Variants in PHLPP1 observed in about 807,000 individuals in gnomAD.
The protein encoded by PHLPP1 is PH domain and leucine rich repeat protein phosphatase 1.
A neutral mutation model predicts 117.2 loss-of-function variants in PHLPP1; 42 were observed. That is an observed-to-expected ratio of 0.36 (90% CI 0.28 to 0.46). The LOEUF (loss-of-function observed/expected upper bound fraction) is 0.46. PHLPP1 is among the 20% of genes least tolerant of loss of function. PHLPP1 has a pLI of 1.00. For synonymous variants in PHLPP1, 1,042 were observed against 970.7 expected (o/e 1.07, Z -1.37); for missense variants, 2,084 against 2,241.9 (o/e 0.93, Z 1.42).
intron 1 of PHLPP1, among the ~76,000 whole-genome samples, chr18:62,819,771 G>A (rs371251749): frequency 6.6e-6 from 1 of 152,028 alleles, no homozygotes; most frequent in Non-Finnish European, 1.5e-5. Flanking sequence ...TCAGCCTCCC[G>A]AGTAGCTGGG....
chr18:62,926,251 C>T (rs1287158150), intron 10 of PHLPP1, among the ~76,000 whole-genome samples: 2 of 152,094 alleles, frequency 1.3e-5, no homozygotes, highest in African/African-American at 2.4e-5. Context: ...TCCTGGAGAA[C>T]GGAGTTGAGT....
intron 2 of PHLPP1, among the ~76,000 whole-genome samples, chr18:62,833,083 A>AT (rs1439622591): frequency 6.6e-6 from 1 of 152,086 alleles, no homozygotes; most frequent in Non-Finnish European, 1.5e-5. Flanking sequence ...TATTATTATT[A>AT]TTTTTTTAAA....
chr18:62,757,427 T>C (rs1330463610), intron 1 of PHLPP1, among the ~76,000 whole-genome samples: 1 of 152,208 alleles, frequency 6.6e-6, no homozygotes, highest in East Asian at 1.9e-4. Flanking sequence ...TTCTTTGAGG[T>C]TTTGAAAAAG....
chr18:62,810,315 T>G (rs1027953005), intron 1 of PHLPP1, among the ~76,000 whole-genome samples: 6 of 152,222 alleles, frequency 3.9e-5, no homozygotes, highest in African/African-American at 1.4e-4. Context: ...TTTGGAGCTT[T>G]GCTGGTAAGA....
intron 4 of PHLPP1, among the ~76,000 whole-genome samples, chr18:62,894,624 A>AAACAGC (rs1431502786): frequency 6.6e-6 from 1 of 152,238 alleles, no homozygotes; most frequent in African/African-American, 2.4e-5. Context: ...GACTTGTCTG[A>AAACAGC]AACAGCACCG....
chr18:62,733,141 A>C (rs889007688), intron 1 of PHLPP1, among the ~76,000 whole-genome samples: 1 of 152,222 alleles, frequency 6.6e-6, no homozygotes, highest in Non-Finnish European at 1.5e-5. Context: ...AGTGCTATCA[A>C]AGAGAAATCT....
intron 15 of PHLPP1, among the ~76,000 whole-genome samples, chr18:62,972,973 G>A (rs1219031765): frequency 6.6e-6 from 1 of 152,220 alleles, no homozygotes; most frequent in Non-Finnish European, 1.5e-5. Context: ...TCACTGGCCT[G>A]TGTTGATTGC....
At chr18:62,949,974 T>G (rs1218886907) in intron 12 of PHLPP1, among the ~76,000 whole-genome samples, 1 of 152,140 alleles carries the variant, frequency 6.6e-6, no homozygotes, top group East Asian at 1.9e-4. Flanking sequence ...TCTAAACCCT[T>G]CCCCCGCTTT....
intron 1 of PHLPP1, among the ~76,000 whole-genome samples, chr18:62,743,907 A>G (rs1911604023): frequency 6.6e-6 from 1 of 152,012 alleles, no homozygotes; most frequent in Non-Finnish European, 1.5e-5. Flanking sequence ...TTGGACATAT[A>G]TGTTGATAGG....
At chr18:62,729,897 T>C (rs1911181702) in intron 1 of PHLPP1, among the ~76,000 whole-genome samples, 1 of 152,276 alleles carries the variant, frequency 6.6e-6, no homozygotes, top group Non-Finnish European at 1.5e-5. Flanking sequence ...TCACCCTGTA[T>C]GCTAATTACT....
chr18:62,979,164 C>T lies in PHLPP1; in HGVS notation c.4887C>T (p.Pro1629=), dbSNP rs576271316. ...GGAGGGCCAATGGCTCTGTTGCGCC[C>T]CAGGAAAGGAGCCACAATGTGATAG... is the stretch of plus-strand genomic sequence containing the variant. ...GRRRANGSVA[P]QERSHNVIEV... is the part of the protein sequence containing the mutation. The change falls in exon 17 of 17, where the codon CCC becomes CCT. Residue 1629 remains proline, a synonymous_variant. Coordinates refer to ENST00000262719, the MANE Select transcript of PHLPP1 (RefSeq NM_194449.4). 1.2e-5 allele frequency: 20 copies of T among 1,613,888 alleles called. No individual in the cohort carries two copies. In the East Asian group the frequency reaches 4.0e-4, roughly 32 times the overall value.
chr18:62,931,439 A>T (rs1483384087), intron 10 of PHLPP1, among the ~76,000 whole-genome samples: 4 of 152,098 alleles, frequency 2.6e-5, no homozygotes, highest in Non-Finnish European at 5.9e-5. Flanking sequence ...AACTAGAAAA[A>T]ACAGAACACA....
Position 62,975,484 on chromosome 18 carries a change from C to T in PHLPP1, c.3843C>T (p.Phe1281=), listed in dbSNP as rs773570748. The T allele has an allele frequency of 6.2e-7, 1 of 1,613,210 alleles. No homozygotes were observed. Among genetic ancestry groups the T allele is most frequent in the African/African-American group, 1.3e-5 (1 of 75,040 alleles). ...KHDPVDPGGS[F]TLTSANVGKC... is the part of the protein sequence containing the mutation. ...ACCCTGTGGATCCAGGAGGATCCTT[C>T]ACCTTGACCTCTGCTAATGTGGGCA... The change falls in exon 16 of 17, where the codon TTC becomes TTT. Residue 1281 remains phenylalanine (F), a synonymous_variant. Transcript: ENST00000262719.
At chr18:62,947,632 C>A (rs1265533734) in intron 12 of PHLPP1, among the ~76,000 whole-genome samples, 7 of 152,154 alleles carry the variant, frequency 4.6e-5, no homozygotes, top group Admixed American at 4.6e-4. Flanking sequence ...CTCCTATTTG[C>A]TGGTCTTAGT....
Position 62,760,669 on chromosome 18 carries a change from C to T in PHLPP1, c.1576+43410C>T, listed in dbSNP as rs139901379. 1.9e-3 allele frequency among the ~76,000 whole-genome samples: 282 copies of T among 152,280 alleles called. 1 individual carries two copies. The highest frequency in any genetic ancestry group is 3.9e-3 in the African/African-American group (161 of 41,568). On this transcript the variant is annotated intron_variant, in intron 1 of 16. Coordinates refer to ENST00000262719, the MANE Select transcript of PHLPP1 (RefSeq NM_194449.4). ...GCCCTTCTTTAGTTTTCTTCCTCCA[C>T]GTCCACATTGTAAACTAGAGGACAT... is the stretch of plus-strand genomic sequence containing the variant.
chr18:62,805,624 G>A (rs1913927905), intron 1 of PHLPP1, among the ~76,000 whole-genome samples: 1 of 152,138 alleles, frequency 6.6e-6, no homozygotes, highest in Admixed American at 6.5e-5. Flanking sequence ...GACTCTCAAA[G>A]TGTTGGGATT....
intron 1 of PHLPP1, among the ~76,000 whole-genome samples, chr18:62,780,532 A>G: frequency 6.6e-6 from 1 of 152,190 alleles, no homozygotes; most frequent in Non-Finnish European, 1.5e-5. Context: ...CATCAGTTTT[A>G]AGAAATCTTA....
chr18:62,916,609 T>G (rs79680385), intron 9 of PHLPP1, among the ~76,000 whole-genome samples: 36 of 149,794 alleles, frequency 2.4e-4, no homozygotes, highest in African/African-American at 6.4e-4. Context: ...AGGGTGGGTG[T>G]GTGTGTGTGT....
rs117790802 is a variant in PHLPP1, at chr18:62,883,581, A to G, written c.2067-11430A>G. Among the ~76,000 whole-genome samples, 270 of 152,346 alleles carry G rather than the reference A, an allele frequency of 1.8e-3. 1 individual carries two copies. Among genetic ancestry groups the G allele is most frequent in the Admixed American group, 2.8e-3 (43 of 15,306 alleles). On this transcript the variant is annotated intron_variant, in intron 4 of 16. Transcript: ENST00000262719. ...CATGGGGAAAGGGACCCTCTCTTAC[A>G]TGACTGAATGGGAGTATGAATTTCT...
Sources: gnomAD v4.1 joint callset for allele counts (sites outside exome capture counted in the v4.1 genomes callset) on GRCh38, gnomAD v4.1.1 for gene constraint, MANE v1.5 for transcripts, NCBI Gene and HGNC (gene_info 2026-07-23, HGNC 2026-07-21) for gene names.